EIF4H: variants seen among roughly 807,000 people sequenced by gnomAD.
EIF4H encodes eukaryotic translation initiation factor 4H, also known as Williams-Beuren syndrome chromosome region 1.
Under a neutral mutation model 30.6 loss-of-function variants are expected in EIF4H, and 8 were observed. The ratio of observed to expected loss-of-function variants is 0.26; its 90% CI spans 0.15 to 0.47. The LOEUF is 0.47. Ranked by LOEUF, EIF4H falls within the 20% of genes least tolerant of loss-of-function variation. The probability of loss-of-function intolerance (pLI) is 0.99; values close to 1 mark genes in which losing one functional copy is unlikely to be tolerated. For missense variants in EIF4H, 188 were observed against 339.5 expected, an observed-to-expected ratio of 0.55 and a Z score of 3.51; for synonymous variants, 106 against 122.7, an observed-to-expected ratio of 0.86 and a Z score of 0.90.
At chr7:74,181,690 T>C (rs1437210132) in intron 1 of EIF4H, among the ~76,000 whole-genome samples, 1 of 152,126 alleles carries the variant, frequency 6.6e-6, no homozygotes, top group Non-Finnish European at 1.5e-5. Flanking sequence ...GTAATCTGCC[T>C]GCCTCGGCCT....
intron 1 of EIF4H, 132 bp from the exon 2 acceptor site, chr7:74,187,479 A>G: frequency 1.1e-6 from 1 of 895,908 alleles, no homozygotes; most frequent in Non-Finnish European, 1.6e-6. Flanking sequence ...CATTCTCTGT[A>G]ACAGTCTTGT....
intron 1 of EIF4H, among the ~76,000 whole-genome samples, chr7:74,175,427 C>T (rs1554707521): frequency 6.6e-6 from 1 of 152,142 alleles, no homozygotes; most frequent in Non-Finnish European, 1.5e-5. Context: ...CTGAGGTGTT[C>T]AGTCTCCTGG....
intron 1 of EIF4H, among the ~76,000 whole-genome samples, chr7:74,181,405 ATTCT>A (rs1175375603): frequency 1.1e-4 from 16 of 151,846 alleles, no homozygotes; most frequent in South Asian, 2.1e-4. Flanking sequence ...TATCTTATAT[ATTCT>A]TTCTTTGTTT....
intron 1 of EIF4H, among the ~76,000 whole-genome samples, 197 bp from the exon 2 acceptor site, chr7:74,187,414 G>C (rs1487499397): frequency 6.6e-6 from 1 of 152,214 alleles, no homozygotes; most frequent in Admixed American, 6.5e-5. Context: ...CTGGGTGACA[G>C]AGTGACAGTC....
rs1350104104 is a variant in EIF4H at position 74,186,768 on chromosome 7, T to TAATC, written c.60-841_60-838dup. Among the ~76,000 whole-genome samples the TAATC allele has an allele frequency of 9.2e-5, 13 of 141,948 alleles. No individual in the cohort carries two copies. In the South Asian group the frequency reaches 3.1e-3, roughly 34 times the overall value. 93.1% of individuals were successfully genotyped at this position (141,948 alleles called of 152,430 possible). Reference sequence around the variant, plus strand: ...TTTTATTAGGACATTCTTATGCCCATAATCAGGCAACAAGGAGAAATTTTT... The same window carrying TAATC: ...TTTTATTAGGACATTCTTATGCCCATAATCAATCAGGCAACAAGGAGAAATTTTT... On this transcript the variant is annotated intron_variant, in intron 1 of 6. Transcript: ENST00000265753.
intron 1 of EIF4H, among the ~76,000 whole-genome samples, chr7:74,176,723 A>AC (rs1470555360): frequency 6.6e-6 from 1 of 152,192 alleles, no homozygotes; most frequent in Non-Finnish European, 1.5e-5. Flanking sequence ...ACAGTATTGA[A>AC]CCACTGCTTT....
chr7:74,193,809 C>G (rs1250655889), intron 5 of EIF4H, among the ~76,000 whole-genome samples: 1 of 152,078 alleles, frequency 6.6e-6, no homozygotes, highest in African/African-American at 2.4e-5. Flanking sequence ...GAGTGAGTCT[C>G]ACTGTGTTGC....
At position 74,195,414 on chromosome 7, in the gene EIF4H, G is replaced by T; in HGVS notation, c.*106G>T. The T allele has an allele frequency of 7.6e-7, 1 of 1,322,276 alleles. No homozygotes were observed. Among genetic ancestry groups the T allele is most frequent in the Non-Finnish European group, 1.0e-6 (1 of 973,302 alleles). 81.9% of individuals were successfully genotyped at this position (1,322,276 alleles called of 1,614,324 possible). A position where few individuals can be genotyped will look rare whatever the true frequency, so the allele number is the denominator to read the frequency against. On this transcript the variant is annotated 3_prime_UTR_variant, in exon 7 of 7. Transcript: ENST00000265753. ...GCCGCCACTCCTGCGCCTGCCATTG[G>T]CCTCCTCACAGCGGAAACACAGCTT...
At position 74,195,351 on chromosome 7, in the gene EIF4H, G is replaced by C; in HGVS notation, c.*43G>C. On this transcript the variant is annotated 3_prime_UTR_variant, in exon 7 of 7. Coordinates refer to ENST00000265753, the MANE Select transcript of EIF4H (RefSeq NM_022170.2). ...AATGGGGCGTGGGGGGTTAGAGCAG[G>C]ACCACAGCCTGGTGAGTCCCCGGGC... The C allele has an allele frequency of 6.4e-7, 1 of 1,570,032 alleles. No individual in the cohort carries two copies. The highest frequency in any genetic ancestry group is 8.7e-7 in the Non-Finnish European group (1 of 1,155,346).
chr7:74,187,264 T>C (rs1554709317), intron 1 of EIF4H, among the ~76,000 whole-genome samples: 1 of 152,216 alleles, frequency 6.6e-6, no homozygotes, highest in East Asian at 1.9e-4. Context: ...ACCCTGTTTC[T>C]ACTAAAAATG....
At chr7:74,174,710 G>A (rs1256756896) in intron 1 of EIF4H, among the ~76,000 whole-genome samples, 1 of 152,184 alleles carries the variant, frequency 6.6e-6, no homozygotes, top group Non-Finnish European at 1.5e-5. Context: ...CCCTGCCTTG[G>A]CCGCGGCGGC....
At chr7:74,187,590 C>G (rs782793822) in intron 1 of EIF4H, 21 bp from the exon 2 acceptor site, 1 of 1,544,280 alleles carries the variant, frequency 6.5e-7, no homozygotes, top group East Asian at 2.3e-5. Flanking sequence ...ACACTTGAAT[C>G]CTGTTTGTCT....
At chr7:74,190,978 A>G (rs574200485) in intron 5 of EIF4H, among the ~76,000 whole-genome samples, 2 of 152,276 alleles carry the variant, frequency 1.3e-5, no homozygotes, top group African/African-American at 4.8e-5. Context: ...GAGAAAAACA[A>G]ATTTGTTTTC....
At chr7:74,193,770 G>A (rs569699532) in intron 5 of EIF4H, among the ~76,000 whole-genome samples, 26 of 152,176 alleles carry the variant, frequency 1.7e-4, no homozygotes, top group African/African-American at 6.0e-4. Context: ...GCGCCACCAT[G>A]CCCAGCTAAT....
At chr7:74,191,780 TTTG>T (rs782633026) in intron 5 of EIF4H, among the ~76,000 whole-genome samples, 2 of 151,772 alleles carry the variant, frequency 1.3e-5, no homozygotes, top group African/African-American at 2.4e-5. Flanking sequence ...CAACAGATTT[TTTG>T]TTGTTGTTTT....
At chr7:74,186,803 T>A (rs1554709231) in intron 1 of EIF4H, among the ~76,000 whole-genome samples, 987 of 14,530 alleles carry the variant, frequency 0.068, 297 homozygotes, top group Admixed American at 0.094. Context: ...TTTTTTTTTT[T>A]TTTTTTTTTT....
intron 1 of EIF4H, among the ~76,000 whole-genome samples, chr7:74,181,724 G>A (rs1354309505): frequency 6.6e-6 from 1 of 150,504 alleles, no homozygotes; most frequent in African/African-American, 2.5e-5. Flanking sequence ...GATTACAGGT[G>A]TGAGCCACCG....
chr7:74,188,082 G>T (rs1278985009), intron 2 of EIF4H, among the ~76,000 whole-genome samples: 10 of 152,202 alleles, frequency 6.6e-5, no homozygotes, highest in Admixed American at 6.5e-4. Context: ...CAGTAAAGGA[G>T]TTCCCCAGGA....
chr7:74,190,013 A>T, intron 4 of EIF4H, 95 bp downstream of exon 4: 4 of 1,330,380 alleles, frequency 3.0e-6, no homozygotes, highest in Non-Finnish European at 4.1e-6. Flanking sequence ...CGATTATCTC[A>T]TAGGTGTGAT....
Sources: allele counts gnomAD v4.1 joint callset (sites outside exome capture counted in the v4.1 genomes callset), GRCh38; gene constraint gnomAD v4.1.1; transcripts MANE v1.5; gene names NCBI Gene and HGNC (gene_info 2026-07-23, HGNC 2026-07-21).